The following VCL variants were observed in gnomAD, a reference collection of about 807,000 sequenced individuals.
VCL encodes the protein epididymis luminal protein 114.
Under a neutral mutation model 125.7 loss-of-function variants are expected in VCL, and 47 were observed. That is an observed-to-expected ratio of 0.37 (90% confidence interval 0.30 to 0.48). The LOEUF (loss-of-function observed/expected upper bound fraction) is 0.48, where lower values mean the gene tolerates loss of function less well. VCL is among the 20% of genes least tolerant of loss of function. The pLI is 0.99. For missense variants in VCL, 1,069 were observed against 1,455.5 expected (o/e 0.73, Z 4.32); for synonymous variants, 458 against 514.6 (o/e 0.89, Z 1.49).
intron 6 of VCL, chr10:74,076,289 T>C (rs1370117252): frequency 6.5e-6 from 1 of 152,700 alleles, no homozygotes; most frequent in Non-Finnish European, 1.5e-5. Flanking sequence ...TGACTGTGGC[T>C]CATATTGAGT....
Position 74,097,382 on chromosome 10 carries a change from A to T in VCL, c.1872+50A>T. On this transcript the variant is annotated intron_variant, in intron 13 of 21. Coordinates refer to ENST00000211998, the MANE Select transcript of VCL (RefSeq NM_014000.3). This position sits in a 1 kb window ranked among gnomAD's most constrained non-coding sequence, Gnocchi z 4.1. ...TTCTGTCAGCCTGTGCTATAGGTATATGTAAAGGTGAAATGTGATTACAGT... is the reference window on the plus strand; with the variant it reads ...TTCTGTCAGCCTGTGCTATAGGTATTTGTAAAGGTGAAATGTGATTACAGT... The T allele has an allele frequency of 1.9e-6, 3 of 1,600,126 alleles. No homozygotes were observed. The highest frequency in any genetic ancestry group is 2.6e-6 in the Non-Finnish European group (3 of 1,175,286).
intron 1 of VCL, among the ~76,000 whole-genome samples, chr10:74,008,414 A>C (rs1409635772): frequency 6.6e-6 from 1 of 152,172 alleles, no homozygotes; most frequent in South Asian, 2.1e-4. Flanking sequence ...ATAATGTGAG[A>C]GTATGTTACC....
chr10:74,066,047 G>GTATA (rs143197525), intron 2 of VCL, among the ~76,000 whole-genome samples: 56 of 133,242 alleles, frequency 4.2e-4, no homozygotes, highest in Middle Eastern at 7.6e-3. Flanking sequence ...ATCAATTTTG[G>GTATA]TATATATATA....
intron 7 of VCL, among the ~76,000 whole-genome samples, 170 bp from the exon 8 acceptor site, chr10:74,083,196 C>A (rs1018774110): frequency 1.3e-5 from 2 of 152,102 alleles, no homozygotes; most frequent in African/African-American, 4.8e-5. Flanking sequence ...GAAACCTCAC[C>A]CTATGGTTTA....
intron 13 of VCL, among the ~76,000 whole-genome samples, chr10:74,099,423 G>A (rs1309288054): frequency 2.0e-5 from 3 of 149,508 alleles, no homozygotes; most frequent in Non-Finnish European, 4.4e-5. Flanking sequence ...TCCTAGAGAG[G>A]TTAAGTGCTT....
chr10:74,054,678 C>T (rs11000861), intron 2 of VCL, among the ~76,000 whole-genome samples: 52,794 of 151,998 alleles, frequency 0.35, 10,787 homozygotes, highest in Non-Finnish European at 0.47. Flanking sequence ...CCTAGCACTT[C>T]GGGAGGCCAG....
intron 11 of VCL, among the ~76,000 whole-genome samples, chr10:74,095,066 A>G (rs1839945012): frequency 6.6e-6 from 1 of 152,226 alleles, no homozygotes; most frequent in Non-Finnish European, 1.5e-5. Context: ...TTGGTATTAG[A>G]TGTCAAGAGC....
intron 1 of VCL, among the ~76,000 whole-genome samples, chr10:74,031,610 A>G (rs904030816): frequency 2.6e-5 from 4 of 152,212 alleles, no homozygotes; most frequent in Admixed American, 1.3e-4. Flanking sequence ...AACAACAGGA[A>G]AAAAGCACAA....
intron 2 of VCL, among the ~76,000 whole-genome samples, chr10:74,043,631 G>A (rs574842414): frequency 2.6e-5 from 4 of 152,184 alleles, no homozygotes; most frequent in African/African-American, 9.6e-5. Context: ...ATAGGCGTGA[G>A]CCACTGTACC....
At chr10:74,114,714 C>G (rs190929175) in intron 20 of VCL, 81 bp from the exon 21 acceptor site, 810 of 1,420,482 alleles carry the variant, frequency 5.7e-4, no homozygotes, top group Non-Finnish European at 7.2e-4. Flanking sequence ...ACTGGGAATA[C>G]AGAGGTAGGT....
At chr10:74,073,633 ACAT>A (rs1388995774) in intron 5 of VCL, among the ~76,000 whole-genome samples, 6 of 152,246 alleles carry the variant, frequency 3.9e-5, no homozygotes, top group Non-Finnish European at 1.5e-5. Context: ...ACTGTTGTTT[ACAT>A]CATGAGTAGA....
In VCL at chr10:74,094,465, A is replaced by T; in HGVS notation, c.1543+4A>T. The T allele has an allele frequency of 6.2e-7, 1 of 1,612,910 alleles. No individual in the cohort carries two copies. Among genetic ancestry groups the T allele is most frequent in the Non-Finnish European group, 8.5e-7 (1 of 1,179,444 alleles). On this transcript the variant is annotated splice_donor_region_variant and intron_variant, in intron 11 of 21. Coordinates refer to ENST00000211998, the MANE Select transcript of VCL (RefSeq NM_014000.3). ...ACAGTGGATGACCGTGGAGTCGGTA[A>T]GGGCAGCAGTGCACTATAACCTCAT...
At chr10:74,103,012 G>A (rs889914862) in intron 14 of VCL, among the ~76,000 whole-genome samples, 3 of 152,062 alleles carry the variant, frequency 2.0e-5, no homozygotes, top group East Asian at 1.9e-4. Context: ...GATTACAGGC[G>A]TCCACCACCA....
chr10:74,121,248 C>T (rs994301339), downstream of VCL: 2 of 152,188 alleles, frequency 1.3e-5, no homozygotes, highest in African/African-American at 4.8e-5. Context: ...ATCATTTTCT[C>T]AAATCAGTTG....
In VCL at chr10:74,112,058, C is replaced by G; in HGVS notation, c.2895C>G (p.Pro965=). The change falls in exon 19 of 22, where the codon CCC becomes CCG. Residue 965 remains proline, a synonymous_variant. Coordinates refer to ENST00000211998, the MANE Select transcript of VCL (RefSeq NM_014000.3). ...LMPSNQPVNQ[P]ILAAAQSLHR... The stretch of plus-strand genomic sequence containing the variant: ...CATCCAATCAGCCGGTCAACCAGCC[C>G]ATTCTGGCCGCGGCTCAGTCCTTGC... 6.2e-7 allele frequency: 1 copy of G among 1,614,206 alleles called. No homozygotes were observed. Among genetic ancestry groups the G allele is most frequent in the Non-Finnish European group, 8.5e-7 (1 of 1,180,040 alleles).
intron 1 of VCL, among the ~76,000 whole-genome samples, chr10:74,006,164 G>A (rs1840321268): frequency 6.6e-6 from 1 of 152,224 alleles, no homozygotes; most frequent in South Asian, 2.1e-4. Context: ...GGGATTACAG[G>A]TGTGAGCCAC....
intron 1 of VCL, among the ~76,000 whole-genome samples, chr10:74,003,288 A>G (rs1840264706): frequency 6.6e-6 from 1 of 152,138 alleles, no homozygotes; most frequent in Non-Finnish European, 1.5e-5. Flanking sequence ...TAATGAAACA[A>G]GGAAGAGGAG....
intron 1 of VCL, among the ~76,000 whole-genome samples, chr10:74,028,686 G>C (rs923815127): frequency 3.4e-5 from 5 of 147,006 alleles, no homozygotes; most frequent in Admixed American, 6.8e-5. Flanking sequence ...CGTGAGCTAT[G>C]GCGCCTGGCA....
chr10:74,119,669 C>T lies in VCL; in HGVS notation c.*1500C>T, dbSNP rs1840374755. On this transcript the variant is annotated 3_prime_UTR_variant, in exon 22 of 22. Transcript: ENST00000211998. ...CTTGCCTGAACATCCTTCCTTCCCA[C>T]CCATCGCTGTGTGTTAGTTCCCAAC... is the stretch of plus-strand genomic sequence containing the variant. 2 of 152,462 alleles carry T rather than the reference C, an allele frequency of 1.3e-5. No homozygotes were observed. The highest frequency in any genetic ancestry group is 4.8e-5 in the African/African-American group (2 of 41,452). 9.4% of individuals were successfully genotyped at this position (152,462 alleles called of 1,614,324 possible).
Sources: allele counts gnomAD v4.1 joint callset (sites outside exome capture counted in the v4.1 genomes callset), GRCh38; gene constraint gnomAD v4.1.1; non-coding constraint Gnocchi (gnomAD v3.1); transcripts MANE v1.5; gene names NCBI Gene and HGNC (gene_info 2026-07-23, HGNC 2026-07-21).